PRRG1: variants seen among roughly 807,000 people sequenced by gnomAD.
PRRG1 encodes the protein transmembrane gamma-carboxyglutamic acid protein 1.
PRRG1 carries 5 observed loss-of-function variants against 11.8 expected under a neutral mutation model. The observed-to-expected ratio is 0.42, with a 90% CI of 0.22 to 0.89. The LOEUF (loss-of-function observed/expected upper bound fraction) is 0.89, where lower values mean the gene tolerates loss of function less well. Among genes scored for constraint, PRRG1 ranks in the 40% least tolerant of loss-of-function variants. PRRG1 has a pLI of 0.28. For missense variants in PRRG1, 155 were observed against 166.1 expected, an observed-to-expected ratio of 0.93 and a Z score of 0.37; for synonymous variants, 66 against 60.4, an observed-to-expected ratio of 1.09 and a Z score of -0.43.
intron 2 of PRRG1, among the ~76,000 whole-genome samples, chrX:37,418,992 G>A (rs1249867431): frequency 2.7e-5 from 3 of 112,215 alleles, no homozygotes; most frequent in Non-Finnish European, 5.6e-5. Flanking sequence ...CATCAAGTGA[G>A]TTGTAATGTA....
rs185517386 is a variant in PRRG1 at position 37,368,106 on chromosome X, T to C, written c.-42+18711T>C. Among the ~76,000 whole-genome samples the C allele has an allele frequency of 1.1e-4, 12 of 112,275 alleles. No homozygotes were observed. The East Asian group carries it at 3.3e-3, about 31-fold the overall frequency. On this transcript the variant is annotated intron_variant, in intron 1 of 3. Coordinates refer to ENST00000378628, the MANE Select transcript of PRRG1 (RefSeq NM_001142395.2). ...ACTTGTTTCATGGCCTAGAATATGA[T>C]CTTTCCTGGTAAGTACATCACATGC...
intron 3 of PRRG1, among the ~76,000 whole-genome samples, chrX:37,442,841 T>G (rs1556394271): frequency 9.0e-6 from 1 of 111,501 alleles, no homozygotes; most frequent in East Asian, 2.8e-4. Context: ...TCCTGCATAT[T>G]GCCCTTACAA....
Position 37,455,797 on chromosome X carries a change from G to GT in PRRG1, c.*2183dup, listed in dbSNP as rs1389405770. ...AGTGAACTGTGTATGTATGTGTGGG[G>GT]TTTTTTTCTTTATTTTTAAATGAAA... On this transcript the variant is annotated 3_prime_UTR_variant, in exon 4 of 4. Transcript: ENST00000378628. 7 of 112,001 alleles carry GT rather than the reference G, an allele frequency of 6.2e-5. No individual in the cohort carries two copies. The highest frequency in any genetic ancestry group is 1.3e-4 in the Non-Finnish European group (7 of 53,189). The allele number at this position is 112,001 out of a possible 1,213,427, so 9.2% of individuals were successfully genotyped here.
At position 37,441,912 on chromosome X, in the gene PRRG1, A is replaced by T. The variant is rs782096068; in HGVS notation, c.172-11224A>T. ...CCATGGAGAAAGGTGACCCCCAGCT[A>T]TGCGACTTCCTGGAGAGCCACTTCC... On this transcript the variant is annotated intron_variant, in intron 3 of 3. Coordinates refer to ENST00000378628, the MANE Select transcript of PRRG1 (RefSeq NM_001142395.2). The T allele has an allele frequency of 1.6e-5, 12 of 769,656 alleles. No individual in the cohort carries two copies. The South Asian group carries it at 5.1e-4, about 33-fold the overall frequency. 63.4% of individuals were successfully genotyped at this position (769,656 alleles called of 1,213,427 possible). A position where few individuals can be genotyped will look rare whatever the true frequency, so the allele number is the denominator to read the frequency against.
At chrX:37,393,787 G>A (rs141381053) in intron 1 of PRRG1, among the ~76,000 whole-genome samples, 3,129 of 112,056 alleles carry the variant, frequency 0.028, 106 homozygotes, top group African/African-American at 0.095. Flanking sequence ...ACAACCCAAT[G>A]TTTAGCAAAA....
In PRRG1 at chrX:37,457,235, G is replaced by T. The variant is rs1171114027; in HGVS notation, c.*3614G>T. 9.0e-6 allele frequency: 1 copy of T among 111,714 alleles called. No individual in the cohort carries two copies. The highest frequency in any genetic ancestry group is 1.9e-5 in the Non-Finnish European group (1 of 53,039). 9.2% of individuals were successfully genotyped at this position (111,714 alleles called of 1,213,427 possible). ...TATTTTTATGTTTATACTAGGTAGG[G>T]TCTTTCTTATGTTTCTGTGTTTTTG... is the stretch of plus-strand genomic sequence containing the variant. On this transcript the variant is annotated 3_prime_UTR_variant, in exon 4 of 4. Transcript: ENST00000378628.
chrX:37,449,095 A>G (rs1284022662), intron 3 of PRRG1, among the ~76,000 whole-genome samples: 1 of 111,914 alleles, frequency 8.9e-6, no homozygotes, highest in Non-Finnish European at 1.9e-5. Context: ...AAAAAGTTGG[A>G]CTACACTTGC....
chrX:37,412,865 T>TTA (rs1556384215), intron 2 of PRRG1, among the ~76,000 whole-genome samples: 2 of 111,703 alleles, frequency 1.8e-5, no homozygotes, highest in Non-Finnish European at 3.8e-5. Flanking sequence ...TTGATTTTTT[T>TTA]TAATGGAGGC....
chrX:37,420,691 AAG>A (rs1556386751), intron 2 of PRRG1, among the ~76,000 whole-genome samples: 9 of 106,369 alleles, frequency 8.5e-5, no homozygotes, highest in South Asian at 4.1e-4. Context: ...AAAAAAAGAA[AAG>A]AAAGAAAAAA....
chrX:37,390,081 A>G (rs1458755112), intron 1 of PRRG1, among the ~76,000 whole-genome samples: 1 of 111,816 alleles, frequency 8.9e-6, no homozygotes, highest in Non-Finnish European at 1.9e-5. Context: ...ATGACAGCAG[A>G]TTTAGTGTCT....
intron 1 of PRRG1, among the ~76,000 whole-genome samples, chrX:37,384,490 G>A (rs1347745589): frequency 1.8e-5 from 2 of 111,487 alleles, no homozygotes; most frequent in East Asian, 2.8e-4. Context: ...ATTTCTAGAA[G>A]AGGCACGTAA....
intron 1 of PRRG1, among the ~76,000 whole-genome samples, chrX:37,351,118 C>T (rs1253917727): frequency 7.2e-5 from 8 of 111,450 alleles, no homozygotes; most frequent in Non-Finnish European, 1.3e-4. Context: ...TTGTGTTACC[C>T]TTGTACCTAG....
At chrX:37,372,050 A>G (rs782136841) in intron 1 of PRRG1, among the ~76,000 whole-genome samples, 1 of 113,032 alleles carries the variant, frequency 8.8e-6, no homozygotes, top group Non-Finnish European at 1.9e-5. Flanking sequence ...AGGAACCTCC[A>G]TTCTGTTTTC....
chrX:37,395,607 T>A (rs1931686888), intron 1 of PRRG1, among the ~76,000 whole-genome samples: 1 of 95,315 alleles, frequency 1.0e-5, no homozygotes, highest in Non-Finnish European at 2.0e-5. Context: ...AAAGTGAGAC[T>A]CCATCTCAAA....
chrX:37,415,692 C>T (rs970389763), intron 2 of PRRG1, among the ~76,000 whole-genome samples: 2 of 111,613 alleles, frequency 1.8e-5, no homozygotes, highest in South Asian at 3.8e-4. Context: ...AGTCTTAGGC[C>T]GAATTTTGCT....
chrX:37,351,450 G>C (rs1425571509), intron 1 of PRRG1, among the ~76,000 whole-genome samples: 1 of 106,685 alleles, frequency 9.4e-6, no homozygotes, highest in Non-Finnish European at 1.9e-5. Context: ...AGCTGAGATC[G>C]CGCCACTGCA....
chrX:37,423,217 T>G (rs1932708870), intron 2 of PRRG1, among the ~76,000 whole-genome samples: 1 of 110,549 alleles, frequency 9.0e-6, no homozygotes, highest in African/African-American at 3.3e-5. Flanking sequence ...AATTTTAATT[T>G]TTAACAAAAA....
rs1027516307 is a variant in PRRG1, at chrX:37,423,243, A to C, written c.11-2597A>C. Reference sequence around the variant, plus strand: ...TTAACAAAAATTAACTTTTTTTAACAAAAAAGTTAAATTTTAACAAAAAAG... The same window carrying C: ...TTAACAAAAATTAACTTTTTTTAACCAAAAAGTTAAATTTTAACAAAAAAG... On this transcript the variant is annotated intron_variant, in intron 2 of 3. Coordinates refer to ENST00000378628, the MANE Select transcript of PRRG1 (RefSeq NM_001142395.2). Among the ~76,000 whole-genome samples, 266 of 110,915 alleles carry C rather than the reference A, an allele frequency of 2.4e-3. 1 individual carries two copies. Among genetic ancestry groups the C allele is most frequent in the Non-Finnish European group, 2.8e-3 (150 of 52,921 alleles).
At chrX:37,408,823 A>G (rs1357041805) in intron 2 of PRRG1, among the ~76,000 whole-genome samples, 1 of 104,580 alleles carries the variant, frequency 9.6e-6, no homozygotes, top group Non-Finnish European at 2.0e-5. Flanking sequence ...GTTGTTGGAT[A>G]CTGCTATAGC....
Sources: gnomAD v4.1 joint callset for allele counts (sites outside exome capture counted in the v4.1 genomes callset) on GRCh38, gnomAD v4.1.1 for gene constraint, MANE v1.5 for transcripts, NCBI Gene and HGNC (gene_info 2026-07-23, HGNC 2026-07-21) for gene names.